Variants in MFHAS1 observed in about 807,000 individuals in gnomAD.
The protein encoded by MFHAS1 is malignant fibrous histiocytoma-amplified sequence 1.
A neutral mutation model predicts 70.4 loss-of-function variants in MFHAS1; 50 were observed. That is an observed-to-expected ratio of 0.71 (90% CI 0.57 to 0.90). MFHAS1 has a LOEUF of 0.90. Ranked by LOEUF, MFHAS1 falls within the 40% of genes least tolerant of loss-of-function variation. The pLI is 0.00. For synonymous variants in MFHAS1, 952 were observed against 620.0 expected (o/e 1.54, Z -7.96); for missense variants, 1,795 against 1,347.6 (o/e 1.33, Z -5.20).
intron 1 of MFHAS1, among the ~76,000 whole-genome samples, chr8:8,798,482 C>T (rs557462455): frequency 2.6e-5 from 4 of 152,038 alleles, no homozygotes; most frequent in Admixed American, 1.3e-4. Flanking sequence ...TGCAGCACCA[C>T]ATCTGGCTAA....
chr8:8,788,447 G>C (rs1438769864), intron 2 of MFHAS1, among the ~76,000 whole-genome samples: 2 of 152,250 alleles, frequency 1.3e-5, no homozygotes, highest in Non-Finnish European at 2.9e-5. Flanking sequence ...GGAAGGCTGA[G>C]GCAGGCAGAT....
At chr8:8,794,670 G>A (rs1250394164) in intron 2 of MFHAS1, among the ~76,000 whole-genome samples, 1 of 152,024 alleles carries the variant, frequency 6.6e-6, no homozygotes, top group Non-Finnish European at 1.5e-5. Flanking sequence ...CCTACTTAGA[G>A]AACATTCCTT....
intron 1 of MFHAS1, among the ~76,000 whole-genome samples, chr8:8,854,461 C>G (rs1808357449): frequency 6.6e-6 from 1 of 151,790 alleles, no homozygotes; most frequent in Non-Finnish European, 1.5e-5. Context: ...GCCGTACTTG[C>G]AGTGAGCTGA....
chr8:8,884,550 C>T (rs2116936269), intron 1 of MFHAS1, among the ~76,000 whole-genome samples: 1 of 152,216 alleles, frequency 6.6e-6, no homozygotes, highest in Non-Finnish European at 1.5e-5. Flanking sequence ...GTCATAGACG[C>T]ACAATGGGAA....
chr8:8,850,360 T>A (rs1003031439), intron 1 of MFHAS1, among the ~76,000 whole-genome samples: 15 of 151,942 alleles, frequency 9.9e-5, no homozygotes, highest in African/African-American at 3.2e-4. Context: ...TGATACCCAA[T>A]CTGAAAAAAC....
intron 1 of MFHAS1, among the ~76,000 whole-genome samples, chr8:8,800,648 G>T (rs1806054453): frequency 6.6e-6 from 1 of 152,130 alleles, no homozygotes; most frequent in Non-Finnish European, 1.5e-5. Flanking sequence ...CTAGCTCCTT[G>T]CCTGCTTATC....
At chr8:8,838,052 GGATA>G (rs1309418391) in intron 1 of MFHAS1, among the ~76,000 whole-genome samples, 1 of 152,234 alleles carries the variant, frequency 6.6e-6, no homozygotes, top group African/African-American at 2.4e-5. Context: ...GCTGGTGAAT[GGATA>G]AATAAACCGG....
At chr8:8,864,189 G>T (rs71514515) in intron 1 of MFHAS1, among the ~76,000 whole-genome samples, 1 of 152,138 alleles carries the variant, frequency 6.6e-6, no homozygotes, top group Non-Finnish European at 1.5e-5. Context: ...CTTTCTGTGC[G>T]GCAAGCAGCA....
At position 8,784,785 on chromosome 8, in the gene MFHAS1, A is replaced by C. The variant is rs1805477999; in HGVS notation, c.*1237T>G. 6.6e-6 allele frequency: 1 copy of C among 152,218 alleles called. No homozygotes were observed. Among genetic ancestry groups the C allele is most frequent in the Non-Finnish European group, 1.5e-5 (1 of 68,036 alleles). The allele number at this position is 152,218 out of a possible 1,614,324, so 9.4% of individuals were successfully genotyped here. ...TACACTCTCCGAAAAACATGTTACT[A>C]CTGTAGCATATGCTGTTTGGCCCAA... On this transcript the variant is annotated 3_prime_UTR_variant, in exon 3 of 3. Transcript: ENST00000276282.
At position 8,891,715 on chromosome 8, in the gene MFHAS1, T is replaced by A. The variant is rs779509710; in HGVS notation, c.1344A>T (p.Pro448=). The A allele has an allele frequency of 6.2e-7, 1 of 1,613,116 alleles. No individual in the cohort carries two copies. Among genetic ancestry groups the A allele is most frequent in the Non-Finnish European group, 8.5e-7 (1 of 1,179,968 alleles). The change falls in exon 1 of 3, where the codon CCA becomes CCT. Residue 448 remains proline, a synonymous_variant. Transcript: ENST00000276282. This position sits in a 1 kb window ranked among gnomAD's most constrained non-coding sequence, Gnocchi z 5.4. ...CCTTGCTCACAGGGGGAGGTGACGGTGGGTAGCACTTCTCCTTGTCCCCTC... is the reference window on the plus strand; with the variant it reads ...CCTTGCTCACAGGGGGAGGTGACGGAGGGTAGCACTTCTCCTTGTCCCCTC... ...PGGGDKEKCY[P]PSPPPVSKGI...
At chr8:8,828,234 G>T (rs971113895) in intron 1 of MFHAS1, among the ~76,000 whole-genome samples, 1 of 152,148 alleles carries the variant, frequency 6.6e-6, no homozygotes, top group East Asian at 1.9e-4. Context: ...TGAAACCAGA[G>T]ATTAAAAAAC....
chr8:8,834,844 A>G (rs963899194), intron 1 of MFHAS1, among the ~76,000 whole-genome samples: 1 of 152,236 alleles, frequency 6.6e-6, no homozygotes, highest in African/African-American at 2.4e-5. Flanking sequence ...CAGGGCCCCC[A>G]GTGAACTCAC....
chr8:8,867,398 G>A (rs1808898439), intron 1 of MFHAS1, among the ~76,000 whole-genome samples: 1 of 152,050 alleles, frequency 6.6e-6, no homozygotes, highest in East Asian at 1.9e-4. Context: ...AAATTAAAAG[G>A]AGGCCCATAG....
intron 1 of MFHAS1, among the ~76,000 whole-genome samples, chr8:8,808,127 C>T (rs888742064): frequency 6.6e-6 from 1 of 152,142 alleles, no homozygotes; most frequent in Admixed American, 6.5e-5. Context: ...TGTAGACGCT[C>T]CCCTGGGAAC....
rs1313239853 is a variant in MFHAS1, at chr8:8,892,871, C to G, written c.188G>C (p.Gly63Ala). The change falls in exon 1 of 3, where the codon GGG (glycine) becomes GCG (alanine). Residue 63 changes from glycine to alanine, a missense_variant. By Grantham distance (60) the Gly-to-Ala change is moderately conservative. Coordinates refer to ENST00000276282, the MANE Select transcript of MFHAS1 (RefSeq NM_004225.3). The surrounding 1 kb of genome is among the most constrained non-coding windows in gnomAD (Gnocchi z 4.7). Reference protein sequence around the residue: ...SPQLVLPANLGDIEALNLGNN... With the variant: ...SPQLVLPANLADIEALNLGNN... The stretch of plus-strand genomic sequence containing the variant: ...CCCCAGGTTCAGTGCCTCAATGTCC[C>G]CGAGGTTGGCCGGCAGCACGAGCTG... 6.3e-7 allele frequency: 1 copy of G among 1,587,850 alleles called. No homozygotes were observed. The highest frequency in any genetic ancestry group is 1.1e-5 in the South Asian group (1 of 87,922).
At chr8:8,787,326 C>T (rs1379206229) in intron 2 of MFHAS1, among the ~76,000 whole-genome samples, 1 of 152,142 alleles carries the variant, frequency 6.6e-6, no homozygotes, top group African/African-American at 2.4e-5. Flanking sequence ...ATGATCCGCC[C>T]ACCTTGGCCT....
chr8:8,795,964 T>C (rs373805388), intron 2 of MFHAS1, among the ~76,000 whole-genome samples: 15 of 152,346 alleles, frequency 9.8e-5, no homozygotes, highest in Middle Eastern at 6.8e-3. Flanking sequence ...GGAGAAATCA[T>C]GGTGCTGACA....
intron 1 of MFHAS1, among the ~76,000 whole-genome samples, chr8:8,809,327 G>A (rs1291379653): frequency 1.3e-5 from 2 of 152,314 alleles, no homozygotes; most frequent in African/African-American, 2.4e-5. Flanking sequence ...TGCCGAACAA[G>A]GTTGGAGACA....
chr8:8,889,435 TAAGAA>T (rs2116946551), intron 1 of MFHAS1, among the ~76,000 whole-genome samples: 1 of 152,298 alleles, frequency 6.6e-6, no homozygotes, highest in South Asian at 2.1e-4. Context: ...TGGAATTTCT[TAAGAA>T]AAGTGAGCAG....
Sources: allele counts gnomAD v4.1 joint callset (sites outside exome capture counted in the v4.1 genomes callset), GRCh38; gene constraint gnomAD v4.1.1; non-coding constraint Gnocchi (gnomAD v3.1); transcripts MANE v1.5; gene names NCBI Gene and HGNC (gene_info 2026-07-23, HGNC 2026-07-21).